IDUA: variants seen among roughly 807,000 people sequenced by gnomAD.
The protein encoded by IDUA is iduronidase alpha-L-.
A neutral mutation model predicts 68.9 loss-of-function variants in IDUA; 65 were observed. The ratio of observed to expected loss-of-function variants is 0.94; its 90% CI spans 0.77 to 1.16. The LOEUF (loss-of-function observed/expected upper bound fraction) is 1.16, where lower values mean the gene tolerates loss of function less well. IDUA is among the 50% of genes most tolerant of loss of function. The probability of loss-of-function intolerance (pLI) is 0.00; values close to 1 mark genes in which losing one functional copy is unlikely to be tolerated. For synonymous variants in IDUA, 529 were observed against 433.6 expected (o/e 1.22, Z -2.73); for missense variants, 1,046 against 938.0 (o/e 1.12, Z -1.50).
chr4:1,000,879 C>T lies in IDUA; in HGVS notation c.386-3C>T. On this transcript the variant is annotated splice_region_variant and splice_polypyrimidine_tract_variant and intron_variant, in intron 3 of 13. Transcript: ENST00000514224. Reference sequence around the variant, plus strand: ...GCGGTGGGGCAGCCCTCCTGTGTTCCAGGGTTTGAGCTGATGGGCAGCGCC... The same window carrying T: ...GCGGTGGGGCAGCCCTCCTGTGTTCTAGGGTTTGAGCTGATGGGCAGCGCC... The T allele has an allele frequency of 6.2e-7, 1 of 1,612,326 alleles. No homozygotes were observed. Among genetic ancestry groups the T allele is most frequent in the Non-Finnish European group, 8.5e-7 (1 of 1,179,066 alleles).
Position 987,846 on chromosome 4 carries a change from C to A in IDUA, c.196C>A (p.Leu66Ile). Residue 66 changes from leucine (L) to isoleucine (I), a missense_variant, in exon 2 of 14, where the codon CTC (leucine) becomes ATC (isoleucine). By Grantham distance (5) the Leu-to-Ile change is conservative. Coordinates refer to ENST00000514224, the MANE Select transcript of IDUA (RefSeq NM_000203.5). ...LPHSQADQYV[L>I]SWDQQLNLAY... ...ACACAGCCAGGCTGACCAGTACGTC[C>A]TCAGCTGGGACCAGCAGCTCAACCT... 1 of 1,612,550 alleles carries A rather than the reference C, an allele frequency of 6.2e-7. No homozygotes were observed. Among genetic ancestry groups the A allele is most frequent in the East Asian group, 2.2e-5 (1 of 44,864 alleles).
rs1484867164 is a variant in IDUA at position 989,318 on chromosome 4, G to A, written c.299+1369G>A. On this transcript the variant is annotated intron_variant, in intron 2 of 13. Coordinates refer to ENST00000514224, the MANE Select transcript of IDUA (RefSeq NM_000203.5). ...GCATAGTACAGCGGCCCCCCAAAGC[G>A]GAACACCCGCACGCCGGGCTCAGGG... 3.2e-5 allele frequency: 52 copies of A among 1,610,896 alleles called. No homozygotes were observed. The highest frequency in any genetic ancestry group is 4.1e-5 in the Non-Finnish European group (48 of 1,179,142).
rs1284049920 is a variant in IDUA, at chr4:987,114, G to GCTGGCGCTC, written c.36_44dup (p.Leu13_Ala15dup). The stretch of plus-strand genomic sequence containing the variant: ...GTCCCCTGCGCCCCCGCGCCGCGCT[G>GCTGGCGCTC]CTGGCGCTCCTGGCCTCGCTCCTGG... On this transcript the variant is annotated inframe_insertion, in exon 1 of 14. Transcript: ENST00000514224. 147 of 1,447,252 alleles carry GCTGGCGCTC rather than the reference G, an allele frequency of 1.0e-4. 1 individual carries two copies. In the Admixed American group the frequency reaches 1.5e-3, roughly 15 times the overall value. 89.7% of individuals were successfully genotyped at this position (1,447,252 alleles called of 1,614,324 possible).
chr4:1,002,896 CGCAGCGTCGCGGTGACCCT>C lies in IDUA; in HGVS notation c.1357_1375del (p.Ser453GlyfsTer66), dbSNP rs1560549041. 7.1e-7 allele frequency: 1 copy of C among 1,417,124 alleles called. No individual in the cohort carries two copies. Among genetic ancestry groups the C allele is most frequent in the South Asian group, 1.5e-5 (1 of 67,856 alleles). The allele number at this position is 1,417,124 out of a possible 1,614,324, so 87.8% of individuals were successfully genotyped here. On this transcript the variant is annotated frameshift_variant, in exon 9 of 14. Transcript: ENST00000514224. LOFTEE classifies it high-confidence loss of function. ...CGACGACACCCGCGCCCACCCCAACCGCAGCGTCGCGGTGACCCTGCGGCTGCGCGGGGTGCCCCCCGGC... is the reference window on the plus strand; with the variant it reads ...CGACGACACCCGCGCCCACCCCAACCGCGGCTGCGCGGGGTGCCCCCCGGC...
intron 2 of IDUA, chr4:990,228 CG>C: frequency 6.4e-7 from 1 of 1,572,684 alleles, no homozygotes; most frequent in South Asian, 1.2e-5. Context: ...CCTGGTGCCG[CG>C]GGATCCGCAC....
At chr4:1,003,860 C>T in intron 12 of IDUA, 152 bp from the exon 13 acceptor site, 2 of 839,830 alleles carry the variant, frequency 2.4e-6, no homozygotes, top group East Asian at 2.5e-5. Context: ...CAGCCCTCTC[C>T]TGCCTGGGCA....
At chr4:990,233 T>G in intron 2 of IDUA, 2 of 1,576,558 alleles carry the variant, frequency 1.3e-6, no homozygotes, top group Non-Finnish European at 1.7e-6. Context: ...TGCCGCGGGA[T>G]CCGCACGCCC....
chr4:990,715 C>G, intron 2 of IDUA: 1 of 411,976 alleles, frequency 2.4e-6, no homozygotes. Context: ...GCCCACTGCC[C>G]CCCATGCAGA....
At chr4:992,855 G>A (rs764653969) in intron 2 of IDUA, 1 of 152,250 alleles carries the variant, frequency 6.6e-6, no homozygotes, top group Non-Finnish European at 1.5e-5. Flanking sequence ...TCTTCTCAGC[G>A]ACGTTAGGCA....
rs142931653 is a variant in IDUA at position 1,000,405 on chromosome 4, T to TG, written c.300-201dup. Among the ~76,000 whole-genome samples, 583 of 152,304 alleles carry TG rather than the reference T, an allele frequency of 3.8e-3. 8 individuals carry two copies. Among genetic ancestry groups the TG allele is most frequent in the African/African-American group, 0.013 (559 of 41,566 alleles). On this transcript the variant is annotated intron_variant, in intron 2 of 13. Transcript: ENST00000514224. Reference sequence around the variant, plus strand: ...TTTCCATCTCTTGATGGTGTAGGGTTGGGGGGTCTCCATGTACAGATACTC... The same window carrying TG: ...TTTCCATCTCTTGATGGTGTAGGGTTGGGGGGGTCTCCATGTACAGATACTC...
At chr4:994,151 A>G (rs1714582970) in intron 2 of IDUA, among the ~76,000 whole-genome samples, 1 of 152,192 alleles carries the variant, frequency 6.6e-6, no homozygotes, top group Admixed American at 6.5e-5. Flanking sequence ...TTTTAAAAGG[A>G]ATTATTAGCC....
At chr4:1,001,955 G>C in intron 6 of IDUA, 27 bp from the exon 7 acceptor site, 2 of 1,574,338 alleles carry the variant, frequency 1.3e-6, no homozygotes, top group Non-Finnish European at 1.7e-6. Context: ...GCTGACCCTG[G>C]TGGTGCTGAG....
intron 2 of IDUA, among the ~76,000 whole-genome samples, chr4:994,831 T>C (rs62294519): frequency 0.16 from 24,027 of 151,640 alleles, 2,206 homozygotes; most frequent in South Asian, 0.33. Flanking sequence ...GCGGCTCAGG[T>C]GGGAGCATGG....
At chr4:1,002,682 G>C in intron 8 of IDUA, 50 bp from the exon 9 acceptor site, 1 of 1,331,758 alleles carries the variant, frequency 7.5e-7, no homozygotes, top group Non-Finnish European at 1.0e-6. Flanking sequence ...TGGGTCGGGG[G>C]GCGGCTGGGC....
chr4:991,074 A>G, intron 2 of IDUA: 1 of 1,492,960 alleles, frequency 6.7e-7, no homozygotes, highest in Non-Finnish European at 8.9e-7. Context: ...GGATGGCCAA[A>G]ACCTAAGGGG....
At position 1,001,459 on chromosome 4, in the gene IDUA, C is replaced by G; in HGVS notation, c.494-9C>G. 6.2e-7 allele frequency: 1 copy of G among 1,611,948 alleles called. No homozygotes were observed. Among genetic ancestry groups the G allele is most frequent in the African/African-American group, 1.3e-5 (1 of 74,982 alleles). ...CCTGTGCTGGGGGGACAGCAAGGCTCCTCTGCAGGTAGGTACGGACTGGCG... is the reference window on the plus strand; with the variant it reads ...CCTGTGCTGGGGGGACAGCAAGGCTGCTCTGCAGGTAGGTACGGACTGGCG... On this transcript the variant is annotated splice_polypyrimidine_tract_variant and intron_variant, in intron 4 of 13. Coordinates refer to ENST00000514224, the MANE Select transcript of IDUA (RefSeq NM_000203.5).
intron 2 of IDUA, chr4:989,663 C>T: frequency 3.8e-6 from 6 of 1,579,192 alleles, no homozygotes; most frequent in Non-Finnish European, 4.3e-6. Flanking sequence ...GCCAGCAGCA[C>T]CAGCAGCACC....
intron 2 of IDUA, chr4:988,620 G>A (rs1256474366): frequency 5.1e-6 from 7 of 1,378,242 alleles, no homozygotes; most frequent in African/African-American, 4.4e-5. Flanking sequence ...TGTCTCGGAG[G>A]CAGAGGTTCT....
In IDUA at chr4:1,004,458, C is replaced by G. The variant is rs942204021; in HGVS notation, c.*65C>G. The G allele has an allele frequency of 2.3e-5, 34 of 1,498,462 alleles. 2 individuals are homozygous for G. The highest frequency in any genetic ancestry group is 1.1e-4 in the East Asian group (5 of 44,082). The allele number at this position is 1,498,462 out of a possible 1,614,324, so 92.8% of individuals were successfully genotyped here. ...GTCAGCGAGCTGGGGCTGCACTGTG[C>G]CCATGCTGCCCTCCCATCACCCCCT... On this transcript the variant is annotated 3_prime_UTR_variant, in exon 14 of 14. Transcript: ENST00000514224. This position sits in a 1 kb window ranked among gnomAD's most constrained non-coding sequence, Gnocchi z 5.0.
Sources: allele counts gnomAD v4.1 joint callset (sites outside exome capture counted in the v4.1 genomes callset), GRCh38; gene constraint gnomAD v4.1.1; non-coding constraint Gnocchi (gnomAD v3.1); transcripts MANE v1.5; gene names NCBI Gene and HGNC (gene_info 2026-07-23, HGNC 2026-07-21).